The following CTNND2 variants were observed in gnomAD, a reference collection of about 807,000 sequenced individuals.
The protein encoded by CTNND2 is catenin delta 2.
In CTNND2, 22 loss-of-function variants were observed where a neutral mutation model predicts 144.4. That is an observed-to-expected ratio of 0.15 (90% CI 0.11 to 0.22). The LOEUF (loss-of-function observed/expected upper bound fraction) is 0.22, where lower values mean the gene tolerates loss of function less well. Ranked by LOEUF, CTNND2 falls within the 10% of genes least tolerant of loss-of-function variation. The pLI is 1.00. For synonymous variants in CTNND2, 751 were observed against 695.6 expected (o/e 1.08, Z -1.25); for missense variants, 1,353 against 1,618.8 (o/e 0.84, Z 2.82).
At chr5:11,044,058 C>G (rs528827143) in intron 16 of CTNND2, among the ~76,000 whole-genome samples, 40 of 152,342 alleles carry the variant, frequency 2.6e-4, no homozygotes, top group Admixed American at 4.6e-4. Context: ...CCTGCATCTT[C>G]CAGCAGGTTG....
chr5:11,371,257 G>C (rs1757453520), intron 7 of CTNND2, among the ~76,000 whole-genome samples: 1 of 152,198 alleles, frequency 6.6e-6, no homozygotes, highest in Non-Finnish European at 1.5e-5. Flanking sequence ...TGTTTGGCTT[G>C]ATACCTGTTA....
At chr5:11,771,437 A>G (rs1431365911) in intron 1 of CTNND2, among the ~76,000 whole-genome samples, 1 of 56,092 alleles carries the variant, frequency 1.8e-5, no homozygotes, top group African/African-American at 4.9e-5. Context: ...GCAGATCTAC[A>G]TTATAAAATG....
intron 12 of CTNND2, among the ~76,000 whole-genome samples, chr5:11,139,770 C>T (rs72730906): frequency 6.6e-6 from 1 of 152,170 alleles, no homozygotes; most frequent in Non-Finnish European, 1.5e-5. Context: ...GCATAAACTG[C>T]CGATTTATTC....
chr5:11,388,873 G>C (rs1759349474), intron 6 of CTNND2, among the ~76,000 whole-genome samples: 1 of 152,176 alleles, frequency 6.6e-6, no homozygotes, highest in African/African-American at 2.4e-5. Flanking sequence ...AAGTATGTTA[G>C]CACTATAAAG....
intron 8 of CTNND2, among the ~76,000 whole-genome samples, chr5:11,353,062 CT>C (rs35251702): frequency 0.32 from 40,568 of 125,414 alleles, 6,248 homozygotes; most frequent in Admixed American, 0.44. Flanking sequence ...GATACACAGT[CT>C]TTTTTTTTTT....
intron 9 of CTNND2, among the ~76,000 whole-genome samples, chr5:11,324,115 C>T (rs144100866): frequency 6.6e-6 from 1 of 152,278 alleles, no homozygotes; most frequent in Non-Finnish European, 1.5e-5. Context: ...CGCTAAGCTA[C>T]TCTGTCTTAG....
intron 2 of CTNND2, among the ~76,000 whole-genome samples, chr5:11,624,849 A>T (rs1781066997): frequency 6.6e-6 from 1 of 152,042 alleles, no homozygotes; most frequent in Admixed American, 6.6e-5. Flanking sequence ...ACCTACCTAT[A>T]CATTTATTCC....
intron 2 of CTNND2, among the ~76,000 whole-genome samples, chr5:11,715,519 C>A (rs902258059): frequency 6.6e-6 from 1 of 152,156 alleles, no homozygotes; most frequent in Admixed American, 6.6e-5. Context: ...GGAAAAGATC[C>A]TTTAACCATC....
At chr5:11,480,644 ATATG>A (rs964177078) in intron 3 of CTNND2, among the ~76,000 whole-genome samples, 34 of 138,020 alleles carry the variant, frequency 2.5e-4, no homozygotes, top group Non-Finnish European at 3.7e-4. Context: ...GAAAATACAT[ATATG>A]TGTGTGTGTG....
intron 5 of CTNND2, among the ~76,000 whole-genome samples, chr5:11,409,893 C>T (rs548824649): frequency 6.6e-6 from 1 of 152,054 alleles, no homozygotes; most frequent in Non-Finnish European, 1.5e-5. Flanking sequence ...GATTGATATA[C>T]CTATATTTTC....
intron 2 of CTNND2, among the ~76,000 whole-genome samples, chr5:11,662,510 C>T (rs116544880): frequency 5.3e-5 from 8 of 151,950 alleles, no homozygotes; most frequent in Admixed American, 2.0e-4. Flanking sequence ...CGATTTTCTG[C>T]CTGCTTTATA....
At chr5:11,129,314 AT>A (rs1755320757) in intron 12 of CTNND2, among the ~76,000 whole-genome samples, 1 of 99,716 alleles carries the variant, frequency 1.0e-5, no homozygotes, top group African/African-American at 4.1e-5. Context: ...ATATATATAA[AT>A]ATATATAATA....
At chr5:11,695,919 G>C (rs556071310) in intron 2 of CTNND2, among the ~76,000 whole-genome samples, 2 of 152,190 alleles carry the variant, frequency 1.3e-5, no homozygotes, top group Admixed American at 1.3e-4. Flanking sequence ...CAGTTCCTTA[G>C]ACAGTCTTCA....
At chr5:11,652,496 A>C (rs1782694508) in intron 2 of CTNND2, among the ~76,000 whole-genome samples, 1 of 152,168 alleles carries the variant, frequency 6.6e-6, no homozygotes, top group Non-Finnish European at 1.5e-5. Flanking sequence ...ATAAATTTCC[A>C]GCTATTTATA....
At chr5:11,462,134 A>G (rs573202270) in intron 3 of CTNND2, among the ~76,000 whole-genome samples, 1 of 152,162 alleles carries the variant, frequency 6.6e-6, no homozygotes, top group East Asian at 1.9e-4. Flanking sequence ...CCCCACTATA[A>G]TCCAGGGATA....
intron 3 of CTNND2, among the ~76,000 whole-genome samples, chr5:11,456,308 T>G (rs952677957): frequency 5.4e-5 from 8 of 149,066 alleles, no homozygotes; most frequent in African/African-American, 2.1e-4. Flanking sequence ...TCTTTTGCCT[T>G]TTTGATGCTT....
At chr5:11,792,028 G>C (rs751543698) in intron 1 of CTNND2, among the ~76,000 whole-genome samples, 12 of 152,158 alleles carry the variant, frequency 7.9e-5, no homozygotes, top group Admixed American at 3.9e-4. Context: ...TTGACTTGCT[G>C]TCCAAGTCAT....
chr5:11,731,208 C>T (rs975865911), intron 2 of CTNND2, among the ~76,000 whole-genome samples: 16 of 152,204 alleles, frequency 1.1e-4, no homozygotes, highest in Admixed American at 3.3e-4. Context: ...TTGATCCCTT[C>T]GGTCAGTGGG....
chr5:11,178,575 A>G (rs527802030), intron 11 of CTNND2, among the ~76,000 whole-genome samples: 1 of 152,338 alleles, frequency 6.6e-6, no homozygotes, highest in East Asian at 1.9e-4. Flanking sequence ...ATGATTAACA[A>G]TGCGTCATAA....
Sources: gnomAD v4.1 joint callset for allele counts (sites outside exome capture counted in the v4.1 genomes callset) on GRCh38, gnomAD v4.1.1 for gene constraint, MANE v1.5 for transcripts, NCBI Gene and HGNC (gene_info 2026-07-23, HGNC 2026-07-21) for gene names.